MAGI2: variants seen among roughly 807,000 people sequenced by gnomAD.
The protein encoded by MAGI2 is membrane-associated guanylate kinase, WW and PDZ domain-containing protein 2.
MAGI2 carries 35 observed loss-of-function variants against 133.3 expected under a neutral mutation model. That is an observed-to-expected ratio of 0.26 (90% CI 0.20 to 0.35). The LOEUF (loss-of-function observed/expected upper bound fraction) is 0.35, where lower values mean the gene tolerates loss of function less well. MAGI2 is among the 10% of genes least tolerant of loss of function. MAGI2 has a pLI of 1.00. For synonymous variants in MAGI2, 729 were observed against 710.6 expected (o/e 1.03, Z -0.41); for missense variants, 1,636 against 1,863.4 (o/e 0.88, Z 2.25).
At chr7:79,254,529 T>A (rs1276365229) in intron 1 of MAGI2, among the ~76,000 whole-genome samples, 1 of 152,220 alleles carries the variant, frequency 6.6e-6, no homozygotes, top group East Asian at 1.9e-4. Flanking sequence ...TAGAATCCAA[T>A]TTGATGTAAA....
intron 2 of MAGI2, among the ~76,000 whole-genome samples, chr7:78,791,812 A>C (rs942495754): frequency 6.6e-6 from 1 of 152,104 alleles, no homozygotes; most frequent in Non-Finnish European, 1.5e-5. Flanking sequence ...AGGCTCCCAA[A>C]ATGCTGGGAT....
At chr7:78,918,063 G>A (rs895817751) in intron 2 of MAGI2, among the ~76,000 whole-genome samples, 2 of 152,082 alleles carry the variant, frequency 1.3e-5, no homozygotes, top group Admixed American at 6.6e-5. Context: ...GTGGCTGAAC[G>A]GAAAGTTCTA....
Position 79,308,533 on chromosome 7 carries a change from C to T in MAGI2, c.301+144487G>A, listed in dbSNP as rs540969180. ...CTGCTGGTGCTGTAATTTCAACTCCCTCTTCAACTGGCAGAAAGGTATTCA... is the reference window on the plus strand; with the variant it reads ...CTGCTGGTGCTGTAATTTCAACTCCTTCTTCAACTGGCAGAAAGGTATTCA... On this transcript the variant is annotated intron_variant, in intron 1 of 21. Coordinates refer to ENST00000354212, the MANE Select transcript of MAGI2 (RefSeq NM_012301.4). 2.6e-4 allele frequency among the ~76,000 whole-genome samples: 40 copies of T among 152,276 alleles called. No individual in the cohort carries two copies. The South Asian group carries it at 6.8e-3, about 26-fold the overall frequency.
chr7:78,380,822 C>T (rs940750701), intron 6 of MAGI2, among the ~76,000 whole-genome samples: 3 of 151,948 alleles, frequency 2.0e-5, no homozygotes, highest in Non-Finnish European at 2.9e-5. Flanking sequence ...CATTGCACGC[C>T]GATATTAAAA....
intron 1 of MAGI2, among the ~76,000 whole-genome samples, chr7:79,204,256 C>T (rs1238956953): frequency 2.6e-5 from 4 of 152,068 alleles, no homozygotes; most frequent in Non-Finnish European, 4.4e-5. Flanking sequence ...CTGTTCCAGG[C>T]TTCAGGCTTG....
intron 20 of MAGI2, among the ~76,000 whole-genome samples, chr7:78,108,636 CTCTGTA>C (rs1209592766): frequency 7.6e-4 from 76 of 100,194 alleles, no homozygotes; most frequent in African/African-American, 2.4e-3. Flanking sequence ...CTCTCTCTCT[CTCTGTA>C]TGTGTGTGTG....
chr7:78,838,714 T>A (rs1791871097), intron 2 of MAGI2, among the ~76,000 whole-genome samples: 1 of 151,956 alleles, frequency 6.6e-6, no homozygotes, highest in African/African-American at 2.4e-5. Context: ...TGGATATTAA[T>A]CCAGAAAGGC....
At chr7:78,324,177 C>T (rs1296120833) in intron 9 of MAGI2, among the ~76,000 whole-genome samples, 2 of 149,738 alleles carry the variant, frequency 1.3e-5, no homozygotes, top group African/African-American at 2.4e-5. Context: ...CTACACACTA[C>T]ACTACACTAC....
chr7:78,332,655 G>A (rs563794229), intron 9 of MAGI2, among the ~76,000 whole-genome samples: 3 of 148,500 alleles, frequency 2.0e-5, no homozygotes, highest in South Asian at 4.3e-4. Context: ...CCAAGATCGC[G>A]CCACTGCACG....
At chr7:78,589,129 C>T (rs370783940) in intron 3 of MAGI2, among the ~76,000 whole-genome samples, 1 of 152,154 alleles carries the variant, frequency 6.6e-6, no homozygotes, top group African/African-American at 2.4e-5. Flanking sequence ...GATAATTTTA[C>T]GGTCTGGCCA....
intron 2 of MAGI2, among the ~76,000 whole-genome samples, chr7:78,705,667 A>G (rs371078988): frequency 2.6e-4 from 40 of 152,244 alleles, no homozygotes; most frequent in Admixed American, 2.2e-3. Flanking sequence ...GTTTGGGTAC[A>G]TCGTTTTGTG....
At chr7:78,216,335 G>A (rs758795794) in intron 10 of MAGI2, among the ~76,000 whole-genome samples, 8 of 152,156 alleles carry the variant, frequency 5.3e-5, no homozygotes, top group Non-Finnish European at 7.3e-5. Flanking sequence ...CCTCCTGCTC[G>A]TACCTTCATC....
At chr7:78,454,822 A>T (rs1489272857) in intron 6 of MAGI2, among the ~76,000 whole-genome samples, 1 of 152,192 alleles carries the variant, frequency 6.6e-6, no homozygotes, top group Non-Finnish European at 1.5e-5. Flanking sequence ...CTGAAAGGCT[A>T]CATACTATAT....
chr7:78,406,102 C>T (rs145803425), intron 6 of MAGI2, among the ~76,000 whole-genome samples: 10 of 151,918 alleles, frequency 6.6e-5, no homozygotes, highest in East Asian at 3.9e-4. Flanking sequence ...GAAAATGACT[C>T]GTCATCCTAG....
At chr7:78,317,610 G>A (rs1290317701) in intron 9 of MAGI2, among the ~76,000 whole-genome samples, 1 of 152,232 alleles carries the variant, frequency 6.6e-6, no homozygotes, top group African/African-American at 2.4e-5. Flanking sequence ...GAGAGCAGCG[G>A]ATCTCCCAGC....
intron 1 of MAGI2, among the ~76,000 whole-genome samples, chr7:79,149,120 A>G (rs985694429): frequency 2.1e-5 from 3 of 144,426 alleles, no homozygotes; most frequent in Non-Finnish European, 3.0e-5. Context: ...TATATTATAT[A>G]TAATATAATA....
intron 3 of MAGI2, among the ~76,000 whole-genome samples, chr7:78,609,333 A>G (rs2150905388): frequency 6.6e-6 from 1 of 152,208 alleles, no homozygotes; most frequent in South Asian, 2.1e-4. Flanking sequence ...CAGTAAAGAC[A>G]ATAATAAGGT....
chr7:78,406,750 T>A (rs933540062), intron 6 of MAGI2, among the ~76,000 whole-genome samples: 21 of 152,200 alleles, frequency 1.4e-4, no homozygotes, highest in African/African-American at 5.1e-4. Context: ...CCAAACACTT[T>A]ACACAGCTGT....
chr7:78,036,806 G>T (rs1047569626), intron 21 of MAGI2, among the ~76,000 whole-genome samples: 2 of 152,030 alleles, frequency 1.3e-5, no homozygotes, highest in African/African-American at 4.8e-5. Flanking sequence ...TAGAGAAGGG[G>T]TTTCTCCATG....
Sources: gnomAD v4.1 joint callset for allele counts (sites outside exome capture counted in the v4.1 genomes callset) on GRCh38, gnomAD v4.1.1 for gene constraint, MANE v1.5 for transcripts, NCBI Gene and HGNC (gene_info 2026-07-23, HGNC 2026-07-21) for gene names.